Variants in PSD3 observed in about 807,000 individuals in gnomAD.
The protein encoded by PSD3 is pleckstrin and Sec7 domain containing 3.
Under a neutral mutation model 105.5 loss-of-function variants are expected in PSD3, and 49 were observed. That is an observed-to-expected ratio of 0.46 (90% CI 0.37 to 0.59). PSD3 has a LOEUF of 0.59. PSD3 is among the 20% of genes least tolerant of loss of function. The probability of loss-of-function intolerance (pLI) is 0.00; values close to 1 mark genes in which losing one functional copy is unlikely to be tolerated. For missense variants in PSD3, 1,561 were observed against 1,263.8 expected, an observed-to-expected ratio of 1.24 and a Z score of -3.57; for synonymous variants, 557 against 457.8, an observed-to-expected ratio of 1.22 and a Z score of -2.77.
rs188251385 is a variant in PSD3 at position 18,766,878 on chromosome 8, A to G, written c.2083-1340T>C. On this transcript the variant is annotated intron_variant, in intron 8 of 15. Transcript: ENST00000327040. Reference sequence around the variant, plus strand: ...GTTGCATTATAGGAGAGAAACCCTAACCTTCAGGAGCTGGAATCTTTAATC... The same window carrying G: ...GTTGCATTATAGGAGAGAAACCCTAGCCTTCAGGAGCTGGAATCTTTAATC... Among the ~76,000 whole-genome samples, 4 of 152,340 alleles carry G rather than the reference A, an allele frequency of 2.6e-5. No individual in the cohort carries two copies. The East Asian group carries it at 7.7e-4, about 29-fold the overall frequency.
intron 1 of PSD3, among the ~76,000 whole-genome samples, chr8:19,077,129 G>C (rs982307349): frequency 6.6e-6 from 1 of 152,178 alleles, no homozygotes; most frequent in African/African-American, 2.4e-5. Flanking sequence ...AGACTTCTCT[G>C]AGATATCTCT....
At chr8:18,870,950 T>G (rs999019635) in intron 3 of PSD3, among the ~76,000 whole-genome samples, 5 of 151,982 alleles carry the variant, frequency 3.3e-5, no homozygotes, top group African/African-American at 1.2e-4. Context: ...AGTACAAAAG[T>G]TGGCCAGGTG....
At chr8:18,966,312 G>C (rs769262503) in intron 1 of PSD3, among the ~76,000 whole-genome samples, 3 of 152,170 alleles carry the variant, frequency 2.0e-5, no homozygotes, top group Non-Finnish European at 4.4e-5. Context: ...GCTCAGGCCT[G>C]TAATTCCAGC....
chr8:18,874,088 G>A (rs1817569068), intron 2 of PSD3, among the ~76,000 whole-genome samples: 2 of 152,068 alleles, frequency 1.3e-5, no homozygotes, highest in Non-Finnish European at 1.5e-5. Context: ...CCTCATCTAT[G>A]CTGGAAATAC....
At chr8:19,037,253 C>A (rs143821841) in intron 1 of PSD3, among the ~76,000 whole-genome samples, 3 of 152,356 alleles carry the variant, frequency 2.0e-5, no homozygotes. Flanking sequence ...ATGCCGAGAG[C>A]CACCAGTGGG....
intron 1 of PSD3, among the ~76,000 whole-genome samples, chr8:18,980,755 T>C (rs893070103): frequency 6.6e-6 from 1 of 152,170 alleles, no homozygotes; most frequent in Non-Finnish European, 1.5e-5. Context: ...CTGATCAAAG[T>C]GTAAAGTTAA....
chr8:18,861,433 C>T (rs1350105579), intron 4 of PSD3, among the ~76,000 whole-genome samples: 5 of 152,130 alleles, frequency 3.3e-5, no homozygotes, highest in African/African-American at 1.2e-4. Flanking sequence ...AAAAGGGTGA[C>T]TCCAAAGTCT....
At chr8:19,040,144 C>T (rs186044256) in intron 1 of PSD3, among the ~76,000 whole-genome samples, 1 of 152,312 alleles carries the variant, frequency 6.6e-6, no homozygotes, top group Non-Finnish European at 1.5e-5. Context: ...AGATTCCTCT[C>T]AAGAGCCAGG....
chr8:18,827,650 G>A (rs988905633), intron 4 of PSD3, among the ~76,000 whole-genome samples: 7 of 152,154 alleles, frequency 4.6e-5, no homozygotes, highest in African/African-American at 1.7e-4. Flanking sequence ...GACTGAAGAT[G>A]GGGGTAGGTC....
chr8:19,034,696 G>A (rs1057436446), intron 1 of PSD3, among the ~76,000 whole-genome samples: 3 of 152,126 alleles, frequency 2.0e-5, no homozygotes, highest in Non-Finnish European at 4.4e-5. Flanking sequence ...AAGGGACAGA[G>A]TCTGGATTTG....
chr8:19,009,093 T>C (rs139168136), intron 1 of PSD3, among the ~76,000 whole-genome samples: 7 of 152,240 alleles, frequency 4.6e-5, no homozygotes, highest in African/African-American at 1.7e-4. Context: ...CATAACTACG[T>C]GGAACTCCTT....
At chr8:18,842,011 G>T (rs1044912134) in intron 4 of PSD3, among the ~76,000 whole-genome samples, 16 of 152,162 alleles carry the variant, frequency 1.1e-4, no homozygotes, top group African/African-American at 3.4e-4. Flanking sequence ...GAAAGGCAGT[G>T]GATGGCTCTC....
At chr8:19,036,054 CA>C (rs976006210) in intron 1 of PSD3, among the ~76,000 whole-genome samples, 1 of 151,452 alleles carries the variant, frequency 6.6e-6, no homozygotes, top group African/African-American at 2.4e-5. Flanking sequence ...CATGCCCAGC[CA>C]AAAAAAATAT....
At chr8:18,986,112 A>G (rs1468379964) in intron 1 of PSD3, among the ~76,000 whole-genome samples, 1 of 152,196 alleles carries the variant, frequency 6.6e-6, no homozygotes, top group African/African-American at 2.4e-5. Flanking sequence ...GTGCAAGGTC[A>G]AAATGAATTT....
At chr8:18,765,588 C>A in intron 8 of PSD3, 50 bp from the exon 9 acceptor site, 1 of 1,375,622 alleles carries the variant, frequency 7.3e-7, no homozygotes, top group Non-Finnish European at 1.0e-6. Flanking sequence ...GGAATTAAGA[C>A]TGATTCATAA....
chr8:18,939,062 T>G (rs1347464993), intron 1 of PSD3, among the ~76,000 whole-genome samples: 1 of 152,024 alleles, frequency 6.6e-6, no homozygotes, highest in Non-Finnish European at 1.5e-5. Flanking sequence ...ATTACAGGGG[T>G]GCTAGAAAAT....
chr8:18,902,433 T>C (rs1362812439), intron 2 of PSD3, among the ~76,000 whole-genome samples: 4 of 152,246 alleles, frequency 2.6e-5, no homozygotes, highest in African/African-American at 9.6e-5. Context: ...TTTCTGTTTT[T>C]CACTGAGTTA....
At chr8:18,613,841 T>G (rs1285337044) in intron 11 of PSD3, among the ~76,000 whole-genome samples, 2 of 152,180 alleles carry the variant, frequency 1.3e-5, no homozygotes, top group African/African-American at 4.8e-5. Context: ...CATGATATCC[T>G]GAAAAACAGC....
chr8:19,035,575 T>G (rs1468838051), intron 1 of PSD3, among the ~76,000 whole-genome samples: 1 of 152,106 alleles, frequency 6.6e-6, no homozygotes, highest in African/African-American at 2.4e-5. Context: ...AAAGGCAGGT[T>G]CTTGTTATGT....
Sources: allele counts gnomAD v4.1 joint callset (sites outside exome capture counted in the v4.1 genomes callset), GRCh38; gene constraint gnomAD v4.1.1; transcripts MANE v1.5; gene names NCBI Gene and HGNC (gene_info 2026-07-23, HGNC 2026-07-21).